The following TTLL4 variants were observed in gnomAD, a reference collection of about 807,000 sequenced individuals.
TTLL4 encodes the protein tubulin tyrosine ligase like 4.
In TTLL4, 85 loss-of-function variants were observed where a neutral mutation model predicts 122.7. The observed-to-expected ratio is 0.69, with a 90% CI of 0.58 to 0.83. The LOEUF (loss-of-function observed/expected upper bound fraction) is 0.83, where lower values mean the gene tolerates loss of function less well. Among genes scored for constraint, TTLL4 ranks in the 40% least tolerant of loss-of-function variants. TTLL4 has a pLI of 0.00. For missense variants in TTLL4, 1,363 were observed against 1,488.6 expected, an observed-to-expected ratio of 0.92 and a Z score of 1.39; for synonymous variants, 553 against 563.0, an observed-to-expected ratio of 0.98 and a Z score of 0.25.
At chr2:218,721,813 T>C (rs1942048895) in intron 1 of TTLL4, among the ~76,000 whole-genome samples, 1 of 152,126 alleles carries the variant, frequency 6.6e-6, no homozygotes, top group Non-Finnish European at 1.5e-5. Flanking sequence ...AAGAAATGCA[T>C]AAATAATTGA....
chr2:218,715,547 C>G, intron 1 of TTLL4, among the ~76,000 whole-genome samples: 1 of 152,180 alleles, frequency 6.6e-6, no homozygotes, highest in Middle Eastern at 3.2e-3. Flanking sequence ...TGAGTATTCT[C>G]TGCAGTTGCA....
At chr2:218,739,198 G>T in intron 3 of TTLL4, 35 bp downstream of exon 3, 4 of 1,583,472 alleles carry the variant, frequency 2.5e-6, no homozygotes, top group Non-Finnish European at 3.4e-6. Context: ...ATTTAGAGCA[G>T]TAGAATGTAT....
At chr2:218,724,535 C>A (rs561876344) in intron 1 of TTLL4, among the ~76,000 whole-genome samples, 1 of 152,166 alleles carries the variant, frequency 6.6e-6, no homozygotes, top group Non-Finnish European at 1.5e-5. Flanking sequence ...ATTTGTCTTT[C>A]TGTGCTTGGC....
chr2:218,739,595 A>C (rs1472479916), intron 3 of TTLL4, among the ~76,000 whole-genome samples: 1 of 152,242 alleles, frequency 6.6e-6, no homozygotes, highest in Non-Finnish European at 1.5e-5. Context: ...TACTTTTTCC[A>C]AACCAAATGA....
chr2:218,741,042 C>T (rs1481917929), intron 5 of TTLL4, among the ~76,000 whole-genome samples: 1 of 152,030 alleles, frequency 6.6e-6, no homozygotes, highest in Non-Finnish European at 1.5e-5. Context: ...TGCTGCACTC[C>T]AGCCTGGGTG....
Position 218,754,573 on chromosome 2 carries a change from G to A in TTLL4, c.*184G>A. ...AGGGCCGGAGGGATGGTAGTGATGG[G>A]GAGAAGGTGAGGAAGGGTCACCCTC... On this transcript the variant is annotated 3_prime_UTR_variant, in exon 20 of 20. Coordinates refer to ENST00000392102, the MANE Select transcript of TTLL4 (RefSeq NM_014640.5). 1.2e-6 allele frequency: 1 copy of A among 813,872 alleles called. No homozygotes were observed. The highest frequency in any genetic ancestry group is 1.7e-5 in the African/African-American group (1 of 57,892). The allele number at this position is 813,872 out of a possible 1,614,324, so 50.4% of individuals were successfully genotyped here. A position where few individuals can be genotyped will look rare whatever the true frequency, so the allele number is the denominator to read the frequency against.
chr2:218,738,570 C>G lies in TTLL4; in HGVS notation c.894C>G (p.Thr298=). 1 of 1,614,188 alleles carries G rather than the reference C, an allele frequency of 6.2e-7. No individual in the cohort carries two copies. Among genetic ancestry groups the G allele is most frequent in the Non-Finnish European group, 8.5e-7 (1 of 1,180,026 alleles). ...STASSHDTST[T]SVASSWYNRN... ...CTAGCTCCCACGACACATCCACCAC[C>G]AGTGTTGCCTCTTCCTGGTATAACC... is the stretch of plus-strand genomic sequence containing the variant. The change falls in exon 3 of 20, where the codon ACC becomes ACG. Residue 298 remains threonine, a synonymous_variant. Coordinates refer to ENST00000392102, the MANE Select transcript of TTLL4 (RefSeq NM_014640.5).
At chr2:218,717,907 T>C (rs1941913491) in intron 1 of TTLL4, among the ~76,000 whole-genome samples, 1 of 151,958 alleles carries the variant, frequency 6.6e-6, no homozygotes, top group Non-Finnish European at 1.5e-5. Flanking sequence ...CAGGCCATTC[T>C]CCTGCCTCAG....
At chr2:218,715,000 A>C (rs1469518691) in intron 1 of TTLL4, among the ~76,000 whole-genome samples, 1 of 151,728 alleles carries the variant, frequency 6.6e-6, no homozygotes, top group Admixed American at 6.5e-5. Flanking sequence ...TACAATTTAC[A>C]TTAACTGTAT....
At chr2:218,729,244 T>C (rs1942285821) in intron 2 of TTLL4, among the ~76,000 whole-genome samples, 1 of 152,214 alleles carries the variant, frequency 6.6e-6, no homozygotes, top group Admixed American at 6.5e-5. Flanking sequence ...TGGTTGTCTA[T>C]CTTGATATCA....
chr2:218,749,983 C>G, intron 14 of TTLL4, 26 bp from the exon 15 acceptor site: 2 of 1,612,436 alleles, frequency 1.2e-6, no homozygotes, highest in Non-Finnish European at 1.7e-6. Context: ...GCTGCTTTGA[C>G]CACTCTTTTT....
chr2:218,731,729 C>G (rs1575167801), intron 2 of TTLL4, among the ~76,000 whole-genome samples: 1 of 152,180 alleles, frequency 6.6e-6, no homozygotes, highest in African/African-American at 2.4e-5. Flanking sequence ...CTTGTCTTTC[C>G]CTGAACATTC....
At chr2:218,751,627 C>A (rs1943015914) in intron 15 of TTLL4, 77 bp from the exon 16 acceptor site, 2 of 1,552,860 alleles carry the variant, frequency 1.3e-6, no homozygotes, top group Admixed American at 2.0e-5. Context: ...GTCTGCTGGG[C>A]TGGACCTCCT....
chr2:218,733,131 G>A (rs1048049629), intron 2 of TTLL4, among the ~76,000 whole-genome samples: 4 of 152,116 alleles, frequency 2.6e-5, no homozygotes, highest in African/African-American at 9.7e-5. Context: ...CCTCTCACCT[G>A]CTTGGCCCTT....
intron 1 of TTLL4, among the ~76,000 whole-genome samples, chr2:218,717,800 TC>T (rs1257756877): frequency 6.6e-6 from 1 of 151,440 alleles, no homozygotes; most frequent in African/African-American, 2.4e-5. Flanking sequence ...TCTATCTTCT[TC>T]TTTTTTTTTT....
chr2:218,744,815 G>A lies in TTLL4; in HGVS notation c.1662-294G>A, dbSNP rs148330850. On this transcript the variant is annotated intron_variant, in intron 5 of 19. Transcript: ENST00000392102. ...CATTTCCCCTCTCAGAACTACTCCT[G>A]TCAGGGACTTTCCCAGCCAATGTCT... 2.7e-3 allele frequency among the ~76,000 whole-genome samples: 412 copies of A among 152,254 alleles called. 2 individuals are homozygous for A. The highest frequency in any genetic ancestry group is 9.6e-3 in the African/African-American group (397 of 41,536).
chr2:218,738,254 C>T lies in TTLL4; in HGVS notation c.578C>T (p.Ser193Leu), dbSNP rs770169174. ...LCLAAAGENP[S>L]GKSLASAISG... ...TTGGCAGCGGCTGGGGAAAACCCTTCAGGGAAGAGCCTGGCCTCTGCCATC... is the reference window on the plus strand; with the variant it reads ...TTGGCAGCGGCTGGGGAAAACCCTTTAGGGAAGAGCCTGGCCTCTGCCATC... The change falls in exon 3 of 20, where the codon TCA becomes TTA. Residue 193 changes from serine to leucine, a missense_variant. Transcript: ENST00000392102. The T allele has an allele frequency of 5.0e-6, 8 of 1,614,126 alleles. No individual in the cohort carries two copies. In the Admixed American group the frequency reaches 1.2e-4, roughly 24 times the overall value.
At chr2:218,746,661 C>A in intron 8 of TTLL4, 1 of 379,522 alleles carries the variant, frequency 2.6e-6, no homozygotes, top group Non-Finnish European at 4.8e-6. Context: ...TCTGGTCTCA[C>A]ATTGGAATGA....
intron 1 of TTLL4, among the ~76,000 whole-genome samples, chr2:218,720,012 TAAAGTA>T (rs1941986409): frequency 6.6e-6 from 1 of 151,972 alleles, no homozygotes; most frequent in Non-Finnish European, 1.5e-5. Flanking sequence ...TTTGGGGAAA[TAAAGTA>T]AAGGAAAAAG....
Sources: gnomAD v4.1 joint callset for allele counts (sites outside exome capture counted in the v4.1 genomes callset) on GRCh38, gnomAD v4.1.1 for gene constraint, MANE v1.5 for transcripts, NCBI Gene and HGNC (gene_info 2026-07-23, HGNC 2026-07-21) for gene names.